The following STIM1 variants were observed in gnomAD, a reference collection of about 807,000 sequenced individuals.
STIM1 encodes the protein stromal interaction molecule 1.
A neutral mutation model predicts 74.7 loss-of-function variants in STIM1; 25 were observed. The observed-to-expected ratio is 0.33, with a 90% CI of 0.24 to 0.47. The LOEUF is 0.47. Ranked by LOEUF, STIM1 falls within the 20% of genes least tolerant of loss-of-function variation. The pLI is 1.00. For missense variants in STIM1, 728 were observed against 920.8 expected, an observed-to-expected ratio of 0.79 and a Z score of 2.71; for synonymous variants, 328 against 348.8, an observed-to-expected ratio of 0.94 and a Z score of 0.66.
chr11:3,976,848 G>A (rs1156239220), intron 2 of STIM1, among the ~76,000 whole-genome samples: 1 of 151,520 alleles, frequency 6.6e-6, no homozygotes, highest in Non-Finnish European at 1.5e-5. Flanking sequence ...AGAATGGAGT[G>A]CAGTGGTACA....
At chr11:3,937,101 G>A (rs1419989825) in intron 1 of STIM1, among the ~76,000 whole-genome samples, 3 of 151,726 alleles carry the variant, frequency 2.0e-5, no homozygotes, top group Admixed American at 1.3e-4. Flanking sequence ...GACCAGCCTG[G>A]GTGACATGGC....
At chr11:4,050,296 C>T (rs2094229269) in intron 3 of STIM1, among the ~76,000 whole-genome samples, 1 of 152,182 alleles carries the variant, frequency 6.6e-6, no homozygotes, top group Admixed American at 6.5e-5. Flanking sequence ...AGGAGTGGTT[C>T]TGTTCATACA....
rs2090486391 is a variant in STIM1 at position 3,858,743 on chromosome 11, C to T, written c.139+2334C>T. On this transcript the variant is annotated intron_variant, in intron 1 of 12. Coordinates refer to ENST00000526596, the MANE Select transcript of STIM1 (RefSeq NM_001382567.1). ...AACTACTACTTTTAAAAATCAGATT[C>T]AACATACCCAGTCAATTTGTGTGTT... is the stretch of plus-strand genomic sequence containing the variant. 2.6e-5 allele frequency among the ~76,000 whole-genome samples: 4 copies of T among 152,196 alleles called. No homozygotes were observed. The South Asian group carries it at 8.3e-4, about 32-fold the overall frequency.
intron 3 of STIM1, among the ~76,000 whole-genome samples, chr11:4,053,402 T>TA (rs1272796621): frequency 1.3e-5 from 2 of 152,026 alleles, no homozygotes; most frequent in Non-Finnish European, 2.9e-5. Context: ...TATGCAGCCA[T>TA]AAAAAAGGAT....
chr11:4,055,431 C>A, intron 3 of STIM1, 95 bp from the exon 4 acceptor site: 1 of 918,104 alleles, frequency 1.1e-6, no homozygotes, highest in Non-Finnish European at 1.7e-6. Context: ...AGATATTAAA[C>A]ACACAAATGT....
intron 1 of STIM1, among the ~76,000 whole-genome samples, chr11:3,872,679 G>A (rs1317818167): frequency 1.3e-5 from 2 of 151,276 alleles, no homozygotes; most frequent in Admixed American, 6.6e-5. Flanking sequence ...CCACCACCAC[G>A]CCCGGCTAAT....
At chr11:4,070,328 C>A in intron 6 of STIM1, 125 bp downstream of exon 6, 1 of 1,067,356 alleles carries the variant, frequency 9.4e-7, no homozygotes, top group Non-Finnish European at 1.4e-6. Flanking sequence ...CTGCATCATC[C>A]TTCCAAAACT....
At chr11:4,074,816 A>G in intron 7 of STIM1, 137 bp downstream of exon 7, 1 of 991,634 alleles carries the variant, frequency 1.0e-6, no homozygotes, top group Middle Eastern at 3.2e-4. Flanking sequence ...CTGGACTCTT[A>G]CCAACAATAA....
chr11:3,904,439 G>A (rs1160067379), intron 1 of STIM1, among the ~76,000 whole-genome samples: 4 of 152,050 alleles, frequency 2.6e-5, no homozygotes, highest in African/African-American at 9.7e-5. Flanking sequence ...ATGAAGCTGG[G>A]TGTGTGTGAA....
intron 2 of STIM1, among the ~76,000 whole-genome samples, chr11:4,010,840 G>C (rs1311444427): frequency 6.6e-6 from 1 of 152,046 alleles, no homozygotes; most frequent in Non-Finnish European, 1.5e-5. Flanking sequence ...ATTTACATTA[G>C]GTATTTCTTC....
chr11:3,904,406 C>T (rs2092425373), intron 1 of STIM1, among the ~76,000 whole-genome samples: 1 of 151,838 alleles, frequency 6.6e-6, no homozygotes, highest in African/African-American at 2.4e-5. Flanking sequence ...GAGTGTTGGA[C>T]TACTTGGAGG....
At chr11:3,890,236 C>G (rs1337280519) in intron 1 of STIM1, among the ~76,000 whole-genome samples, 1 of 152,186 alleles carries the variant, frequency 6.6e-6, no homozygotes, top group Non-Finnish European at 1.5e-5. Context: ...GTTTTGCAAT[C>G]TGAGAGCAGG....
intron 1 of STIM1, among the ~76,000 whole-genome samples, chr11:3,895,384 G>A (rs1271107465): frequency 6.6e-6 from 1 of 152,288 alleles, no homozygotes; most frequent in East Asian, 1.9e-4. Context: ...TTTCTATGCA[G>A]TGTGGTTCAG....
At chr11:3,967,847 G>A (rs1414521949) in intron 2 of STIM1, among the ~76,000 whole-genome samples, 165 bp downstream of exon 2, 1 of 152,218 alleles carries the variant, frequency 6.6e-6, no homozygotes, top group Non-Finnish European at 1.5e-5. Context: ...CAGCCCTCTA[G>A]GAGTCAGCCT....
chr11:4,040,736 T>C (rs188594640), intron 3 of STIM1, among the ~76,000 whole-genome samples: 27 of 152,372 alleles, frequency 1.8e-4, no homozygotes, highest in African/African-American at 6.5e-4. Context: ...CAACATTTCA[T>C]AGCACCTAGG....
chr11:3,968,788 A>C (rs972115962), intron 2 of STIM1, among the ~76,000 whole-genome samples: 12 of 152,240 alleles, frequency 7.9e-5, no homozygotes, highest in Non-Finnish European at 1.3e-4. Context: ...TAATGATGAT[A>C]GTAAAGTGAA....
intron 1 of STIM1, among the ~76,000 whole-genome samples, chr11:3,886,704 A>G (rs2091722322): frequency 7.0e-6 from 1 of 143,620 alleles, no homozygotes; most frequent in Admixed American, 7.1e-5. Context: ...AAAAAAAAAA[A>G]AAAAAAAGGT....
At chr11:3,969,234 C>T (rs1333732193) in intron 2 of STIM1, among the ~76,000 whole-genome samples, 1 of 152,002 alleles carries the variant, frequency 6.6e-6, no homozygotes, top group African/African-American at 2.4e-5. Context: ...CCTGTAATCC[C>T]AGCACTTCGG....
At chr11:3,965,306 A>T (rs915478686) in intron 1 of STIM1, among the ~76,000 whole-genome samples, 3 of 152,212 alleles carry the variant, frequency 2.0e-5, no homozygotes, top group Non-Finnish European at 4.4e-5. Context: ...ATTTGCTGAT[A>T]CTTAATTATG....
Sources: gnomAD v4.1 joint callset for allele counts (sites outside exome capture counted in the v4.1 genomes callset) on GRCh38, gnomAD v4.1.1 for gene constraint, MANE v1.5 for transcripts, NCBI Gene and HGNC (gene_info 2026-07-23, HGNC 2026-07-21) for gene names.